The following TNRC6C variants were observed in gnomAD, a reference collection of about 807,000 sequenced individuals.
The protein encoded by TNRC6C is trinucleotide repeat-containing gene 6C protein.
Under a neutral mutation model 153.7 loss-of-function variants are expected in TNRC6C, and 20 were observed. That is an observed-to-expected ratio of 0.13 (90% confidence interval 0.09 to 0.19). The LOEUF is 0.19. Ranked by LOEUF, TNRC6C falls within the 10% of genes least tolerant of loss-of-function variation. The pLI, the probability that TNRC6C is intolerant of heterozygous loss-of-function variation, is 1.00. For synonymous variants in TNRC6C, 811 were observed against 841.4 expected (o/e 0.96, Z 0.63); for missense variants, 1,987 against 2,172.0 (o/e 0.91, Z 1.69).
chr17:77,959,183 G>A (rs2070839300), upstream of TNRC6C: 1 of 144,034 alleles, frequency 6.9e-6, no homozygotes, highest in Middle Eastern at 3.6e-3. Flanking sequence ...CGAGGCCCTC[G>A]GGCGGTTGTT....
chr17:77,992,366 C>T (rs1198748770), intron 1 of TNRC6C, among the ~76,000 whole-genome samples: 1 of 104,750 alleles, frequency 9.5e-6, no homozygotes, highest in African/African-American at 5.2e-5. Flanking sequence ...GGCATGGTGG[C>T]GCGTGCCTGT....
At chr17:78,097,948 C>T (rs1194734447) in intron 16 of TNRC6C, 87 bp downstream of exon 19, 1 of 1,107,908 alleles carries the variant, frequency 9.0e-7, no homozygotes, top group Admixed American at 2.6e-5. Context: ...TTCCTATTGG[C>T]TCTTTACTCA....
At chr17:78,084,282 GAAA>G (rs200911250) in intron 11 of TNRC6C, among the ~76,000 whole-genome samples, 2 of 42,900 alleles carry the variant, frequency 4.7e-5, no homozygotes, top group Admixed American at 2.6e-4. Context: ...TCCGTCTCAA[GAAA>G]AAAAAAAAAG....
intron 13 of TNRC6C, 93 bp from the exon 16 acceptor site, chr17:78,091,347 T>C (rs1393002769): frequency 4.5e-6 from 6 of 1,320,672 alleles, no homozygotes; most frequent in Admixed American, 7.5e-5. Context: ...AAAAATTTGC[T>C]GTAAGCGAAG....
At chr17:78,106,882 T>C (rs60457979) in exon 20 of TNRC6C, 5 of 59,970 alleles carry the variant, frequency 8.3e-5, no homozygotes, top group Non-Finnish European at 1.4e-4. Flanking sequence ...ACAAAAAAAA[T>C]ACAAAAAAAA....
At chr17:78,077,074 A>G in intron 8 of TNRC6C, 111 bp from the exon 11 acceptor site, 2 of 1,234,736 alleles carry the variant, frequency 1.6e-6, no homozygotes, top group South Asian at 1.6e-5. Context: ...CACTTTTTTG[A>G]TCTGTTAATT....
intron 1 of TNRC6C, among the ~76,000 whole-genome samples, chr17:78,017,346 G>A (rs534990804): frequency 6.6e-6 from 1 of 152,198 alleles, no homozygotes; most frequent in African/African-American, 2.4e-5. Flanking sequence ...TCAGACCAGG[G>A]TGAGGAATGT....
chr17:78,079,365 GGTAACGT>G lies in TNRC6C; in HGVS notation c.3211-27_3211-21del, dbSNP rs1195706819. The stretch of plus-strand genomic sequence containing the variant: ...ACAATGTTACTCTAATGCCTGCCTT[GGTAACGT>G]GTTTAATTCTGTCCCTGTGCAGATA... On this transcript the variant is annotated intron_variant, in intron 9 of 19. Transcript: ENST00000301624. The surrounding 1 kb of genome is among the most constrained non-coding windows in gnomAD (Gnocchi z 4.3). 1 of 1,607,124 alleles carries G rather than the reference GGTAACGT, an allele frequency of 6.2e-7. No homozygotes were observed. Among genetic ancestry groups the G allele is most frequent in the African/African-American group, 1.3e-5 (1 of 74,788 alleles).
At chr17:78,029,253 T>G (rs115428692) in intron 1 of TNRC6C, among the ~76,000 whole-genome samples, 2,294 of 152,272 alleles carry the variant, frequency 0.015, 67 homozygotes, top group African/African-American at 0.053. Context: ...GACAGAGAGA[T>G]ACGTTCTGAA....
chr17:78,103,669 C>T (rs924363701), intron 19 of TNRC6C, 116 bp downstream of exon 22: 1 of 1,402,866 alleles, frequency 7.1e-7, no homozygotes, highest in Non-Finnish European at 9.6e-7. Context: ...CACAGGCTGG[C>T]CACCCTCCCA....
chr17:78,031,980 T>A, intron 2 of TNRC6C, 138 bp downstream of exon 4: 1 of 754,070 alleles, frequency 1.3e-6, no homozygotes, highest in South Asian at 7.1e-5. Flanking sequence ...CATTTCATTT[T>A]AAGTGGGTTT....
At chr17:78,035,521 A>G (rs1201183309) in intron 2 of TNRC6C, among the ~76,000 whole-genome samples, 1 of 152,248 alleles carries the variant, frequency 6.6e-6, no homozygotes, top group Non-Finnish European at 1.5e-5. Flanking sequence ...CCATCTTTGA[A>G]ACACCATTGT....
At chr17:77,989,452 T>C (rs1183955509) in intron 1 of TNRC6C, among the ~76,000 whole-genome samples, 1 of 152,202 alleles carries the variant, frequency 6.6e-6, no homozygotes, top group Non-Finnish European at 1.5e-5. Context: ...TCAGGGAAGG[T>C]TGTACTTTGT....
chr17:77,986,121 A>C (rs769830410), intron 1 of TNRC6C, among the ~76,000 whole-genome samples: 5 of 152,218 alleles, frequency 3.3e-5, no homozygotes, highest in Non-Finnish European at 7.3e-5. Flanking sequence ...ACAGGAAATA[A>C]ATATGAAGAA....
intron 2 of TNRC6C, among the ~76,000 whole-genome samples, chr17:78,045,151 G>T (rs2072381116): frequency 6.6e-6 from 1 of 152,156 alleles, no homozygotes; most frequent in East Asian, 1.9e-4. Context: ...ATTGTGGGTG[G>T]GGCAGTAGGG....
At chr17:77,959,044 G>T (rs2070837275), upstream of TNRC6C, among the ~76,000 whole-genome samples, 1 of 143,076 alleles carries the variant, frequency 7.0e-6, no homozygotes, top group Non-Finnish European at 1.5e-5. Flanking sequence ...GCCGGGGCCG[G>T]ACCTGGACCT....
At chr17:77,966,214 C>G (rs1236088552) in intron 1 of TNRC6C, among the ~76,000 whole-genome samples, 1 of 152,094 alleles carries the variant, frequency 6.6e-6, no homozygotes, top group Non-Finnish European at 1.5e-5. Context: ...AATGGAGGTT[C>G]TGTGTTGGCA....
intron 1 of TNRC6C, among the ~76,000 whole-genome samples, chr17:78,014,627 C>G (rs1401632332): frequency 6.7e-6 from 1 of 149,184 alleles, no homozygotes; most frequent in South Asian, 2.2e-4. Flanking sequence ...TTCATGTTAT[C>G]TAGTATGTGA....
intron 3 of TNRC6C, among the ~76,000 whole-genome samples, chr17:78,052,771 C>G (rs1461458564): frequency 6.6e-6 from 1 of 152,122 alleles, no homozygotes; most frequent in Non-Finnish European, 1.5e-5. Context: ...ACTTGTGTAC[C>G]TCTCTGAGGC....
Sources: gnomAD v4.1 joint callset for allele counts (sites outside exome capture counted in the v4.1 genomes callset) on GRCh38, gnomAD v4.1.1 for gene constraint, Gnocchi (gnomAD v3.1) non-coding constraint, MANE v1.5 for transcripts, NCBI Gene and HGNC (gene_info 2026-07-23, HGNC 2026-07-21) for gene names.